Variants in DLG1 observed in about 807,000 individuals in gnomAD.
The protein encoded by DLG1 is disks large homolog 1.
Under a neutral mutation model 123.4 loss-of-function variants are expected in DLG1, and 42 were observed. That is an observed-to-expected ratio of 0.34 (90% CI 0.27 to 0.44). The LOEUF (loss-of-function observed/expected upper bound fraction) is 0.44. DLG1 is among the 20% of genes least tolerant of loss of function. The pLI, the probability that DLG1 is intolerant of heterozygous loss-of-function variation, is 1.00. For synonymous variants in DLG1, 317 were observed against 356.2 expected, an observed-to-expected ratio of 0.89 and a Z score of 1.24; for missense variants, 942 against 1,082.6, an observed-to-expected ratio of 0.87 and a Z score of 1.82.
chr3:197,166,705 C>A (rs1801613596), intron 5 of DLG1, among the ~76,000 whole-genome samples: 3 of 152,092 alleles, frequency 2.0e-5, no homozygotes, highest in Admixed American at 6.5e-5. Flanking sequence ...GCCTGGCCAA[C>A]ATGATGAAAT....
chr3:197,181,162 G>C (rs1017791146), intron 5 of DLG1, among the ~76,000 whole-genome samples: 1 of 151,954 alleles, frequency 6.6e-6, no homozygotes, highest in East Asian at 1.9e-4. Flanking sequence ...TGTATATTTG[G>C]GGGGATATTA....
Position 197,136,524 on chromosome 3 carries a change from T to C in DLG1, c.1020+18A>G, listed in dbSNP as rs1580081544. On this transcript the variant is annotated intron_variant, in intron 10 of 24. Coordinates refer to ENST00000667157, the MANE Select transcript of DLG1 (RefSeq NM_001366207.1). Reference sequence around the variant, plus strand: ...GACTACAAAATGATTTAAAAGACAATAGATTTCTTATACTTACTGCTAAAA... The same window carrying C: ...GACTACAAAATGATTTAAAAGACAACAGATTTCTTATACTTACTGCTAAAA... 4 of 1,592,610 alleles carry C rather than the reference T, an allele frequency of 2.5e-6. No individual in the cohort carries two copies. Among genetic ancestry groups the C allele is most frequent in the South Asian group, 2.3e-5 (2 of 87,818 alleles).
chr3:197,140,046 C>G, intron 8 of DLG1, 94 bp downstream of exon 8: 1 of 1,370,178 alleles, frequency 7.3e-7, no homozygotes, highest in Non-Finnish European at 1.0e-6. Context: ...TTATCATGAT[C>G]GTGTTTGTTA....
intron 18 of DLG1, among the ~76,000 whole-genome samples, chr3:197,072,786 G>A (rs987983785): frequency 3.3e-5 from 5 of 151,618 alleles, no homozygotes; most frequent in African/African-American, 7.3e-5. Flanking sequence ...TTCACCTCCC[G>A]GGTTCAAGTG....
chr3:197,219,088 C>A (rs1735565143), intron 4 of DLG1, among the ~76,000 whole-genome samples: 1 of 151,924 alleles, frequency 6.6e-6, no homozygotes, highest in Non-Finnish European at 1.5e-5. Flanking sequence ...CCGAGATGCG[C>A]CACTGCACTC....
At chr3:197,085,533 C>A (rs1753830166) in intron 16 of DLG1, 47 bp downstream of exon 16, 3 of 1,583,048 alleles carry the variant, frequency 1.9e-6, no homozygotes, top group South Asian at 1.1e-5. Flanking sequence ...AAAAGAACAT[C>A]AATTATTTAT....
Position 197,188,014 on chromosome 3 carries a change from A to G in DLG1, c.483+6411T>C, listed in dbSNP as rs1344893115. Among the ~76,000 whole-genome samples, 6 of 152,236 alleles carry G rather than the reference A, an allele frequency of 3.9e-5. No homozygotes were observed. In the South Asian group the frequency reaches 8.3e-4, roughly 21 times the overall value. ...TCTTACTTTACTCATTATTCCAGTA[A>G]GGAGAGCCACCACCATCCACTACCA... is the stretch of plus-strand genomic sequence containing the variant. On this transcript the variant is annotated intron_variant, in intron 5 of 24. Coordinates refer to ENST00000667157, the MANE Select transcript of DLG1 (RefSeq NM_001366207.1).
chr3:197,206,660 C>T (rs1463045907), intron 4 of DLG1, among the ~76,000 whole-genome samples: 1 of 151,986 alleles, frequency 6.6e-6, no homozygotes, highest in African/African-American at 2.4e-5. Flanking sequence ...ACATCATTTG[C>T]ATTAAAGTCA....
At chr3:197,051,009 A>G (rs2148704047) in intron 24 of DLG1, among the ~76,000 whole-genome samples, 1 of 152,256 alleles carries the variant, frequency 6.6e-6, no homozygotes, top group South Asian at 2.1e-4. Context: ...ATCTAAATCT[A>G]TTTTTCTCTG....
intron 17 of DLG1, among the ~76,000 whole-genome samples, chr3:197,079,162 ATACT>A (rs1213104565): frequency 6.6e-6 from 1 of 152,218 alleles, no homozygotes; most frequent in Non-Finnish European, 1.5e-5. Context: ...ACTACATTTA[ATACT>A]TACTGTCATT....
intron 3 of DLG1, among the ~76,000 whole-genome samples, chr3:197,284,910 C>T (rs557577474): frequency 1.3e-5 from 2 of 152,000 alleles, no homozygotes; most frequent in East Asian, 1.9e-4. Flanking sequence ...GATTCCTGAA[C>T]GCAGATCTAA....
chr3:197,115,963 T>C lies in DLG1; in HGVS notation c.1407A>G (p.Leu469=). 6.2e-7 allele frequency: 1 copy of C among 1,613,304 alleles called. No individual in the cohort carries two copies. The highest frequency in any genetic ancestry group is 8.5e-7 in the Non-Finnish European group (1 of 1,179,750). ...SFILAGGPAD[L]SGELRKGDRI... ...GATCTCCTTTTCTGAGCTCTCCACTTAGATCAGCAGGTCCTCCGGCTAAGA... is the reference window on the plus strand; with the variant it reads ...GATCTCCTTTTCTGAGCTCTCCACTCAGATCAGCAGGTCCTCCGGCTAAGA... The change falls in exon 13 of 25, where the codon CTA becomes CTG. Residue 469 remains leucine, a synonymous_variant. Transcript: ENST00000667157.
chr3:197,107,804 CT>C (rs542696810), intron 13 of DLG1, among the ~76,000 whole-genome samples: 581 of 139,170 alleles, frequency 4.2e-3, no homozygotes, highest in Middle Eastern at 7.3e-3. Flanking sequence ...TTCTGGTAGC[CT>C]TTTTTTTTTT....
At chr3:197,056,421 A>G (rs1731728095) in intron 23 of DLG1, among the ~76,000 whole-genome samples, 1 of 152,228 alleles carries the variant, frequency 6.6e-6, no homozygotes, top group Non-Finnish European at 1.5e-5. Flanking sequence ...GACTGACTTT[A>G]TCATTTTCCT....
chr3:197,197,585 T>A (rs979143183), intron 4 of DLG1, among the ~76,000 whole-genome samples: 7 of 152,212 alleles, frequency 4.6e-5, no homozygotes, highest in Non-Finnish European at 8.8e-5. Context: ...CTATACAGCA[T>A]TCAATGCAAT....
At chr3:197,128,936 T>C (rs987495185) in intron 11 of DLG1, among the ~76,000 whole-genome samples, 2 of 152,340 alleles carry the variant, frequency 1.3e-5, no homozygotes, top group South Asian at 2.1e-4. Context: ...TCAGGCTTTG[T>C]TGCTTCAGTT....
chr3:197,172,756 C>T (rs183245739), intron 5 of DLG1, among the ~76,000 whole-genome samples: 140 of 152,292 alleles, frequency 9.2e-4, no homozygotes, highest in African/African-American at 3.0e-3. Context: ...AGTTTGATAA[C>T]CTTAGAACAG....
At chr3:197,244,215 C>T (rs751914594) in intron 4 of DLG1, among the ~76,000 whole-genome samples, 8 of 152,280 alleles carry the variant, frequency 5.3e-5, no homozygotes, top group Admixed American at 1.3e-4. Context: ...GGGGCTGACC[C>T]GCAGGGTGCT....
intron 1 of DLG1, chr3:197,297,855 G>A (rs1453668029): frequency 4.1e-6 from 4 of 985,336 alleles, no homozygotes; most frequent in Non-Finnish European, 4.8e-6. Context: ...GCCAGACTCG[G>A]AGCAGCTCCC....
Sources: allele counts gnomAD v4.1 joint callset (sites outside exome capture counted in the v4.1 genomes callset), GRCh38; gene constraint gnomAD v4.1.1; transcripts MANE v1.5; gene names NCBI Gene and HGNC (gene_info 2026-07-23, HGNC 2026-07-21).